CAMTA1: variants seen among roughly 807,000 people sequenced by gnomAD.
CAMTA1 encodes the protein calmodulin binding transcription activator 1.
A neutral mutation model predicts 170.9 loss-of-function variants in CAMTA1; 27 were observed. The ratio of observed to expected loss-of-function variants is 0.16; its 90% CI spans 0.12 to 0.22. CAMTA1 has a LOEUF of 0.22. Among genes scored for constraint, CAMTA1 ranks in the 10% least tolerant of loss-of-function variants. The pLI is 1.00. For missense variants in CAMTA1, 1,619 were observed against 2,217.2 expected, an observed-to-expected ratio of 0.73 and a Z score of 5.42; for synonymous variants, 833 against 891.5, an observed-to-expected ratio of 0.93 and a Z score of 1.17.
intron 5 of CAMTA1, among the ~76,000 whole-genome samples, chr1:7,413,759 G>A (rs896313799): frequency 1.3e-5 from 2 of 152,062 alleles, no homozygotes; most frequent in African/African-American, 4.8e-5. Flanking sequence ...TCCTTCTCCT[G>A]CCTAATTGCC....
At chr1:7,704,436 C>G (rs992234853) in intron 11 of CAMTA1, among the ~76,000 whole-genome samples, 32 of 145,368 alleles carry the variant, frequency 2.2e-4, no homozygotes, top group Admixed American at 5.4e-4. Flanking sequence ...GGCGGAGCGG[C>G]GGGGACCGCG....
intron 19 of CAMTA1, among the ~76,000 whole-genome samples, chr1:7,749,336 G>A (rs1445171227): frequency 1.3e-5 from 2 of 152,210 alleles, no homozygotes; most frequent in East Asian, 1.9e-4. Flanking sequence ...CTTTGGCTTC[G>A]AGCCAGTTGA....
At chr1:7,140,216 T>C (rs1254394711) in intron 4 of CAMTA1, among the ~76,000 whole-genome samples, 1 of 152,224 alleles carries the variant, frequency 6.6e-6, no homozygotes, top group African/African-American at 2.4e-5. Flanking sequence ...CTTGTACTTC[T>C]GTGATGGGGA....
chr1:7,166,808 GTT>G (rs148558785), intron 4 of CAMTA1, among the ~76,000 whole-genome samples: 2 of 138,904 alleles, frequency 1.4e-5, no homozygotes, highest in South Asian at 2.4e-4. Context: ...TTTTGATGCA[GTT>G]TTTTTTTTTT....
At chr1:6,786,023 C>T (rs1199338244) in intron 1 of CAMTA1, among the ~76,000 whole-genome samples, 2 of 151,604 alleles carry the variant, frequency 1.3e-5, no homozygotes, top group Non-Finnish European at 3.0e-5. Context: ...CCTGGCCCCG[C>T]GCCCCACTGC....
At chr1:6,962,348 G>GCCCCTCCCCA (rs1690579357) in intron 3 of CAMTA1, among the ~76,000 whole-genome samples, 1 of 147,074 alleles carries the variant, frequency 6.8e-6, no homozygotes, top group Non-Finnish European at 1.5e-5. Flanking sequence ...GAGAGCGCCT[G>GCCCCTCCCCA]CCCCTCCCCA....
chr1:6,987,466 A>G (rs1388691803), intron 3 of CAMTA1, among the ~76,000 whole-genome samples: 4 of 152,116 alleles, frequency 2.6e-5, no homozygotes, highest in Non-Finnish European at 5.9e-5. Context: ...CGCCCGGCCA[A>G]AGACTCTTTT....
intron 4 of CAMTA1, among the ~76,000 whole-genome samples, chr1:7,116,654 CTTT>C (rs34283711): frequency 7.0e-6 from 1 of 143,444 alleles, no homozygotes; most frequent in Non-Finnish European, 1.5e-5. Flanking sequence ...TTCTTTCTTT[CTTT>C]TTTTTTTTTT....
intron 4 of CAMTA1, among the ~76,000 whole-genome samples, chr1:7,123,172 G>T (rs1324195071): frequency 6.6e-6 from 1 of 152,134 alleles, no homozygotes; most frequent in Non-Finnish European, 1.5e-5. Flanking sequence ...TTGCCTCATG[G>T]TTCTGGAGGC....
chr1:7,318,530 C>T (rs962568123), intron 5 of CAMTA1, among the ~76,000 whole-genome samples: 1 of 152,186 alleles, frequency 6.6e-6, no homozygotes, highest in Non-Finnish European at 1.5e-5. Context: ...GATTTTTCGC[C>T]TCCATCTTGG....
At chr1:7,095,948 A>G (rs1223777486) in intron 4 of CAMTA1, among the ~76,000 whole-genome samples, 1 of 152,234 alleles carries the variant, frequency 6.6e-6, no homozygotes, top group Non-Finnish European at 1.5e-5. Context: ...AGGAACACAC[A>G]AAGCTCAAGA....
At chr1:6,943,865 A>G (rs1050867316) in intron 3 of CAMTA1, among the ~76,000 whole-genome samples, 30 of 104,220 alleles carry the variant, frequency 2.9e-4, no homozygotes, top group East Asian at 9.6e-4. Flanking sequence ...AAAAAAAAAA[A>G]AAAGAAAAAA....
chr1:7,755,627 A>G lies in CAMTA1; in HGVS notation c.4959-11A>G, dbSNP rs1332045655. The G allele has an allele frequency of 6.2e-7, 1 of 1,611,844 alleles. No individual in the cohort carries two copies. Among genetic ancestry groups the G allele is most frequent in the South Asian group, 1.1e-5 (1 of 90,996 alleles). On this transcript the variant is annotated splice_polypyrimidine_tract_variant and intron_variant, in intron 21 of 22. Transcript: ENST00000303635. ...GCTAATAGCTCTCTGGTGTTGTTTTACTGTCTAAAGCCCCCTGGTGGACCA... is the reference window on the plus strand; with the variant it reads ...GCTAATAGCTCTCTGGTGTTGTTTTGCTGTCTAAAGCCCCCTGGTGGACCA...
intron 5 of CAMTA1, among the ~76,000 whole-genome samples, chr1:7,409,143 C>T (rs1011378816): frequency 6.6e-5 from 10 of 152,212 alleles, no homozygotes; most frequent in African/African-American, 2.4e-4. Flanking sequence ...CAGTGAGCTG[C>T]TGAGAGGCTG....
intron 5 of CAMTA1, among the ~76,000 whole-genome samples, chr1:7,411,478 G>C (rs190450071): frequency 6.8e-6 from 1 of 146,448 alleles, no homozygotes; most frequent in African/African-American, 2.6e-5. Context: ...GGCGGAGGTT[G>C]CAGTGAGCCG....
At chr1:7,569,492 C>G (rs1192667458) in intron 6 of CAMTA1, among the ~76,000 whole-genome samples, 2 of 151,796 alleles carry the variant, frequency 1.3e-5, no homozygotes, top group Non-Finnish European at 2.9e-5. Context: ...TGATCACTAT[C>G]ACCATCATCA....
intron 6 of CAMTA1, among the ~76,000 whole-genome samples, chr1:7,513,948 T>C (rs923214486): frequency 1.0e-4 from 15 of 150,140 alleles, no homozygotes; most frequent in African/African-American, 2.7e-4. Flanking sequence ...CACACACACA[T>C]ACACACACAC....
intron 11 of CAMTA1, among the ~76,000 whole-genome samples, chr1:7,729,316 C>T (rs1005792959): frequency 1.3e-5 from 2 of 152,062 alleles, no homozygotes; most frequent in African/African-American, 4.8e-5. Flanking sequence ...GACTGGGTTT[C>T]ACCATGTTGG....
chr1:7,279,143 C>T (rs529566884), intron 5 of CAMTA1, among the ~76,000 whole-genome samples: 34 of 152,278 alleles, frequency 2.2e-4, no homozygotes, highest in African/African-American at 7.9e-4. Flanking sequence ...GGGCACTGAA[C>T]CCCGCAGTGC....
Sources: allele counts gnomAD v4.1 joint callset (sites outside exome capture counted in the v4.1 genomes callset), GRCh38; gene constraint gnomAD v4.1.1; transcripts MANE v1.5; gene names NCBI Gene and HGNC (gene_info 2026-07-23, HGNC 2026-07-21).